Variants in CENPP observed in about 807,000 individuals in gnomAD.
CENPP encodes centromere protein P.
A neutral mutation model predicts 35.6 loss-of-function variants in CENPP; 24 were observed. The observed-to-expected ratio is 0.67, with a 90% confidence interval of 0.49 to 0.95. The LOEUF is 0.95. Ranked by LOEUF, CENPP falls within the 40% of genes least tolerant of loss-of-function variation. The pLI, the probability that CENPP is intolerant of heterozygous loss-of-function variation, is 0.00. For missense variants in CENPP, 332 were observed against 345.3 expected (o/e 0.96, Z 0.31); for synonymous variants, 120 against 125.5 (o/e 0.96, Z 0.29).
chr9:92,499,623 T>G (rs1284303919), intron 5 of CENPP, among the ~76,000 whole-genome samples: 1 of 152,222 alleles, frequency 6.6e-6, no homozygotes, highest in Non-Finnish European at 1.5e-5. Flanking sequence ...ATGAAGCATA[T>G]GGCACAACCT....
intron 5 of CENPP, chr9:92,385,563 G>A: frequency 6.8e-7 from 1 of 1,466,354 alleles, no homozygotes; most frequent in Admixed American, 1.8e-5. Flanking sequence ...TTTACTCATT[G>A]TTGAGACAGA....
intron 5 of CENPP, chr9:92,496,486 A>G (rs1248264233): frequency 1.9e-6 from 3 of 1,607,320 alleles, no homozygotes; most frequent in Middle Eastern, 1.7e-4. Flanking sequence ...GAATGTTCCT[A>G]AGGAAAAATA....
At chr9:92,355,010 G>C (rs1422882528) in intron 4 of CENPP, among the ~76,000 whole-genome samples, 1 of 152,014 alleles carries the variant, frequency 6.6e-6, no homozygotes, top group African/African-American at 2.4e-5. Flanking sequence ...TACTAATAAG[G>C]GTCCAACAAA....
chr9:92,473,568 T>C (rs1845604721), intron 5 of CENPP, among the ~76,000 whole-genome samples: 1 of 152,248 alleles, frequency 6.6e-6, no homozygotes, highest in Non-Finnish European at 1.5e-5. Flanking sequence ...TTCCTGATGC[T>C]GTTTCCACAG....
At position 92,332,295 on chromosome 9, in the gene CENPP, T is replaced by C. The variant is rs760805382; in HGVS notation, c.233T>C (p.Ile78Thr). The C allele has an allele frequency of 6.2e-7, 1 of 1,611,266 alleles. No homozygotes were observed. Among genetic ancestry groups the C allele is most frequent in the Non-Finnish European group, 8.5e-7 (1 of 1,178,892 alleles). Residue 78 changes from isoleucine (I) to threonine (T), a missense_variant, in exon 2 of 8, where the codon ATA becomes ACA. By Grantham distance (89) the Ile-to-Thr change is moderately conservative. Transcript: ENST00000375587. ...SFLSTLTGINIRNHSKQTEDL... is the reference protein window; with the variant it reads ...SFLSTLTGINTRNHSKQTEDL... ...CTAAGTACGCTTACTGGCATCAATA[T>C]AAGAAATCACTCCAAGCAGACAGAA...
chr9:92,338,323 A>G (rs184196466), intron 3 of CENPP, among the ~76,000 whole-genome samples: 3 of 152,132 alleles, frequency 2.0e-5, no homozygotes, highest in Admixed American at 1.3e-4. Context: ...CACAAAAAAA[A>G]AACCACCAAA....
chr9:92,425,852 A>G (rs534199330), intron 5 of CENPP, among the ~76,000 whole-genome samples: 1 of 152,206 alleles, frequency 6.6e-6, no homozygotes, highest in South Asian at 2.1e-4. Flanking sequence ...TCAGGCTTTC[A>G]CTAAGGAAGA....
chr9:92,385,538 C>A, intron 5 of CENPP: 2 of 1,190,050 alleles, frequency 1.7e-6, no homozygotes, highest in Non-Finnish European at 2.4e-6. Flanking sequence ...AATATTAAAC[C>A]AATACTTAAG....
rs755071113 is a variant in CENPP, at chr9:92,613,045, A to G, written c.763A>G (p.Ile255Val). 3 of 1,614,216 alleles carry G rather than the reference A, an allele frequency of 1.9e-6. No homozygotes were observed. Among genetic ancestry groups the G allele is most frequent in the South Asian group, 2.2e-5 (2 of 91,078 alleles). The stretch of plus-strand genomic sequence containing the variant: ...CCTGGAGCTGGACAAGAACAGAGCC[A>G]TAGAAACTGCTCCTCTCAGCTTCCG... ...RALELDKNRA[I>V]ETAPLSFRTL... The change falls in exon 8 of 8, where the codon ATA becomes GTA. Residue 255 changes from isoleucine (I) to valine (V), a missense_variant. Physicochemically the swap from Ile to Val is conservative, Grantham distance 29. Transcript: ENST00000375587.
In CENPP at chr9:92,613,223, G is replaced by A. The variant is rs562036179; in HGVS notation, c.*74G>A. 4.4e-6 allele frequency: 7 copies of A among 1,580,788 alleles called. No homozygotes were observed. The highest frequency in any genetic ancestry group is 1.7e-4 in the Middle Eastern group (1 of 5,978). On this transcript the variant is annotated 3_prime_UTR_variant, in exon 8 of 8. Coordinates refer to ENST00000375587, the MANE Select transcript of CENPP (RefSeq NM_001012267.3). ...GCAATTTTATTCAATATAAACATTTGCTATTTTCTGCTTAGAAACCACACC... is the reference window on the plus strand; with the variant it reads ...GCAATTTTATTCAATATAAACATTTACTATTTTCTGCTTAGAAACCACACC...
intron 5 of CENPP, among the ~76,000 whole-genome samples, chr9:92,608,533 T>C (rs1851144543): frequency 6.6e-6 from 1 of 152,236 alleles, no homozygotes; most frequent in Non-Finnish European, 1.5e-5. Context: ...AAGCCCACTC[T>C]GTCTTGAGTT....
In CENPP at chr9:92,353,875, G is replaced by A. The variant is rs146396906; in HGVS notation, c.467+8088G>A. On this transcript the variant is annotated intron_variant, in intron 4 of 7. Transcript: ENST00000375587. ...TATGGAAGAAACAGTACCATATATTGGATGCTGATTCAGAGCATACATGGC... is the reference window on the plus strand; with the variant it reads ...TATGGAAGAAACAGTACCATATATTAGATGCTGATTCAGAGCATACATGGC... Among the ~76,000 whole-genome samples the A allele has an allele frequency of 2.2e-3, 341 of 152,250 alleles. 4 individuals are homozygous for A. The highest frequency in any genetic ancestry group is 7.7e-3 in the African/African-American group (319 of 41,552).
At chr9:92,448,926 A>G (rs1420658026) in intron 5 of CENPP, among the ~76,000 whole-genome samples, 1 of 152,220 alleles carries the variant, frequency 6.6e-6, no homozygotes, top group Non-Finnish European at 1.5e-5. Flanking sequence ...GCCCAAAAGC[A>G]CAGTGATAAT....
At chr9:92,473,709 A>G (rs796092587) in intron 5 of CENPP, among the ~76,000 whole-genome samples, 9 of 152,342 alleles carry the variant, frequency 5.9e-5, no homozygotes, top group African/African-American at 2.2e-4. Context: ...TAGTAAGTCT[A>G]GCTCGTATTA....
At chr9:92,481,339 G>T (rs1211599562) in intron 5 of CENPP, among the ~76,000 whole-genome samples, 1 of 152,096 alleles carries the variant, frequency 6.6e-6, no homozygotes, top group East Asian at 1.9e-4. Flanking sequence ...GCTTGTGCTC[G>T]ATTTTTCTTT....
chr9:92,590,358 TC>T (rs1850637379), intron 5 of CENPP, among the ~76,000 whole-genome samples: 2 of 152,256 alleles, frequency 1.3e-5, no homozygotes, highest in Admixed American at 1.3e-4. Context: ...GAATCCTCTT[TC>T]TATTACAAAT....
At chr9:92,527,995 G>A (rs112338596) in intron 5 of CENPP, 35 of 153,244 alleles carry the variant, frequency 2.3e-4, no homozygotes, top group African/African-American at 7.7e-4. Context: ...TCTAGGAAGC[G>A]ACCATGATGT....
chr9:92,550,119 C>T (rs563987954), intron 5 of CENPP, among the ~76,000 whole-genome samples: 21 of 152,170 alleles, frequency 1.4e-4, no homozygotes, highest in African/African-American at 4.8e-4. Flanking sequence ...GTCATTGGGC[C>T]GGGCGTGGTG....
At chr9:92,500,599 T>A (rs925420188) in intron 5 of CENPP, 2 of 909,022 alleles carry the variant, frequency 2.2e-6, no homozygotes, top group Non-Finnish European at 3.3e-6. Context: ...GCCAATCTTG[T>A]TTAATCCAAC....
Sources: allele counts gnomAD v4.1 joint callset (sites outside exome capture counted in the v4.1 genomes callset), GRCh38; gene constraint gnomAD v4.1.1; transcripts MANE v1.5; gene names NCBI Gene and HGNC (gene_info 2026-07-23, HGNC 2026-07-21).